Variants in CBL observed in about 807,000 individuals in gnomAD.
CBL encodes Cbl proto-oncogene, also known as E3 ubiquitin-protein ligase CBL.
A neutral mutation model predicts 96.9 loss-of-function variants in CBL; 45 were observed. The observed-to-expected ratio is 0.46, with a 90% CI of 0.37 to 0.60. CBL has a LOEUF of 0.60. Among genes scored for constraint, CBL ranks in the 20% least tolerant of loss-of-function variants. The pLI is 0.00. For synonymous variants in CBL, 420 were observed against 426.8 expected (o/e 0.98, Z 0.20); for missense variants, 1,024 against 1,143.5 (o/e 0.90, Z 1.51).
intron 2 of CBL, among the ~76,000 whole-genome samples, chr11:119,253,029 A>G (rs1231406756): frequency 1.3e-5 from 2 of 152,206 alleles, no homozygotes; most frequent in South Asian, 2.1e-4. Flanking sequence ...CTTACGTGTC[A>G]GTAGATACAA....
In CBL at chr11:119,231,160, T is replaced by G. The variant is rs531258584; in HGVS notation, c.196-1288T>G. ...GCTCATGCCTGTAATCCCAGCACTT[T>G]GGAAGGCTGAGGCTGGCAGATCACC... On this transcript the variant is annotated intron_variant, in intron 1 of 15. Coordinates refer to ENST00000264033, the MANE Select transcript of CBL (RefSeq NM_005188.4). Among the ~76,000 whole-genome samples the G allele has an allele frequency of 3.3e-5, 5 of 152,248 alleles. No individual in the cohort carries two copies. In the East Asian group the frequency reaches 9.6e-4, roughly 29 times the overall value.
intron 2 of CBL, among the ~76,000 whole-genome samples, chr11:119,243,324 G>A (rs1949601471): frequency 6.6e-6 from 1 of 151,844 alleles, no homozygotes; most frequent in Non-Finnish European, 1.5e-5. Flanking sequence ...TTCACTGGTA[G>A]GATATTTATT....
In CBL at chr11:119,304,579, C is replaced by T. The variant is rs1192081350; in HGVS notation, c.*4798C>T. ...CACTCTAGTCCTCAAGTCTACACCACCTTCCAACTCTGGGGATCACCATGA... is the reference window on the plus strand; with the variant it reads ...CACTCTAGTCCTCAAGTCTACACCATCTTCCAACTCTGGGGATCACCATGA... On this transcript the variant is annotated 3_prime_UTR_variant, in exon 16 of 16. Coordinates refer to ENST00000264033, the MANE Select transcript of CBL (RefSeq NM_005188.4). 4.3e-6 allele frequency: 1 copy of T among 232,338 alleles called. No individual in the cohort carries two copies. Among genetic ancestry groups the T allele is most frequent in the African/African-American group, 2.2e-5 (1 of 45,258 alleles). 14.4% of individuals were successfully genotyped at this position (232,338 alleles called of 1,614,324 possible).
rs968142645 is a variant in CBL, at chr11:119,248,957, A to G, written c.443+16262A>G. On this transcript the variant is annotated intron_variant, in intron 2 of 15. Transcript: ENST00000264033. ...ACCACTTCACAGCTGTTAGGTGGAT[A>G]TTATTTTAAGAATAAAACCCTCATG... is the stretch of plus-strand genomic sequence containing the variant. Among the ~76,000 whole-genome samples, 15 of 152,334 alleles carry G rather than the reference A, an allele frequency of 9.8e-5. 1 individual carries two copies. Among genetic ancestry groups the G allele is most frequent in the Admixed American group, 9.8e-4 (15 of 15,300 alleles).
chr11:119,249,093 A>G (rs118025453), intron 2 of CBL, among the ~76,000 whole-genome samples: 5 of 152,222 alleles, frequency 3.3e-5, no homozygotes, highest in African/African-American at 1.2e-4. Flanking sequence ...TTCTAGGTAC[A>G]TACCCCAAAG....
At chr11:119,286,920 T>C (rs531889026) in intron 11 of CBL, among the ~76,000 whole-genome samples, 19 of 152,166 alleles carry the variant, frequency 1.2e-4, no homozygotes, top group Admixed American at 3.3e-4. Flanking sequence ...TGGAGAAAAA[T>C]AGCCCAAAGA....
rs1214485253 is a variant in CBL, at chr11:119,299,511, C to T, written c.2451C>T (p.Ser817=). The T allele has an allele frequency of 6.2e-7, 1 of 1,614,022 alleles. No individual in the cohort carries two copies. The highest frequency in any genetic ancestry group is 8.5e-7 in the Non-Finnish European group (1 of 1,180,012). The stretch of plus-strand genomic sequence containing the variant: ...TTCTTCTAGATGTCACTGAAGGTTC[C>T]CAAGTTCCCGAGAGGCCTCCAAAAC... ...GDPTTNVTEG[S]QVPERPPKPF... is the part of the protein sequence containing the mutation. Residue 817 remains serine, a synonymous_variant, in exon 16 of 16, where the codon TCC becomes TCT. Transcript: ENST00000264033.
At chr11:119,283,384 A>G (rs143402450) in intron 9 of CBL, among the ~76,000 whole-genome samples, 1 of 152,174 alleles carries the variant, frequency 6.6e-6, no homozygotes, top group Non-Finnish European at 1.5e-5. Context: ...ATGACTAAAT[A>G]TGGCTGTTTT....
At position 119,278,194 on chromosome 11, in the gene CBL, G is replaced by T. The variant is rs2135303591; in HGVS notation, c.1124G>T (p.Gly375Val). 1 of 1,608,298 alleles carries T rather than the reference G, an allele frequency of 6.2e-7. No individual in the cohort carries two copies. The highest frequency in any genetic ancestry group is 8.5e-7 in the Non-Finnish European group (1 of 1,174,972). Reference protein sequence around the residue: ...QEQYELYCEMGSTFQLCKICA... With the variant: ...QEQYELYCEMVSTFQLCKICA... ...CAATATGAATTATACTGTGAGATGG[G>T]CTCCACATTCCAACTATGTAAAATA... Residue 375 changes from glycine to valine, a missense_variant, in exon 8 of 16, where the codon GGC becomes GTC. Gly to Val is a moderately radical substitution (Grantham distance 109). Transcript: ENST00000264033.
Position 119,287,901 on chromosome 11 carries a change from T to C in CBL, c.1991T>C (p.Ile664Thr), listed in dbSNP as rs397507496. 1 of 1,613,886 alleles carries C rather than the reference T, an allele frequency of 6.2e-7. No homozygotes were observed. Among genetic ancestry groups the C allele is most frequent in the Non-Finnish European group, 8.5e-7 (1 of 1,179,790 alleles). The change falls in exon 12 of 16, where the codon ATC becomes ACC. Residue 664 changes from isoleucine (I) to threonine (T), a missense_variant. Physicochemically the swap from Ile to Thr is moderately conservative, Grantham distance 89. This residue lies in a region of CBL where 695 missense variants were observed against 661.6 expected (regional missense o/e 1.05). Transcript: ENST00000264033. ...GGTCCAGAGTGTGACCACCCCAAAATCAAACCTTCCTCATCTGCCAATGCC... is the reference window on the plus strand; with the variant it reads ...GGTCCAGAGTGTGACCACCCCAAAACCAAACCTTCCTCATCTGCCAATGCC... Reference protein sequence around the residue: ...LVGPECDHPKIKPSSSANAIY... With the variant: ...LVGPECDHPKTKPSSSANAIY...
intron 1 of CBL, among the ~76,000 whole-genome samples, chr11:119,229,152 A>G (rs1456881171): frequency 6.6e-6 from 1 of 152,162 alleles, no homozygotes; most frequent in Non-Finnish European, 1.5e-5. Context: ...ACAGACTAAC[A>G]TAGGAAACTA....
intron 9 of CBL, among the ~76,000 whole-genome samples, chr11:119,280,389 G>A (rs982377134): frequency 8.5e-5 from 13 of 152,096 alleles, no homozygotes; most frequent in Admixed American, 6.5e-4. Flanking sequence ...TATATATTTT[G>A]TATGAGTAAA....
chr11:119,257,780 C>T (rs1949722272), intron 2 of CBL, among the ~76,000 whole-genome samples: 1 of 152,128 alleles, frequency 6.6e-6, no homozygotes, highest in Non-Finnish European at 1.5e-5. Context: ...ATGCAGTTTT[C>T]CCAGCACCAT....
chr11:119,283,897 A>T (rs1179281474), intron 9 of CBL, among the ~76,000 whole-genome samples: 2 of 151,922 alleles, frequency 1.3e-5, no homozygotes, highest in East Asian at 3.9e-4. Context: ...TCAGCCTCCC[A>T]AAGTGCTGCG....
chr11:119,300,570 T>C lies in CBL; in HGVS notation c.*789T>C, dbSNP rs1950094932. ...TACTGTTGCTACACTATTATAGGCA[T>C]GTTTGATACTAGCAGCTAACACTGG... On this transcript the variant is annotated 3_prime_UTR_variant, in exon 16 of 16. Transcript: ENST00000264033. 2.5e-6 allele frequency: 1 copy of C among 399,376 alleles called. No homozygotes were observed. Among genetic ancestry groups the C allele is most frequent in the East Asian group, 3.6e-5 (1 of 28,086 alleles). The allele number at this position is 399,376 out of a possible 1,614,324, so 24.7% of individuals were successfully genotyped here. A position where few individuals can be genotyped will look rare whatever the true frequency, so the allele number is the denominator to read the frequency against.
rs987818606 is a variant in CBL at position 119,305,497 on chromosome 11, C to G, written c.*5716C>G. 8.7e-6 allele frequency: 2 copies of G among 230,902 alleles called. No individual in the cohort carries two copies. The highest frequency in any genetic ancestry group is 5.7e-5 in the Admixed American group (1 of 17,674). The allele number at this position is 230,902 out of a possible 1,614,324, so 14.3% of individuals were successfully genotyped here. ...CTGGGCTTGTGGCCTGTCTCCTCCA[C>G]TCTCCTCCTCACCCTCTCGCTCCTT... On this transcript the variant is annotated 3_prime_UTR_variant, in exon 16 of 16. Coordinates refer to ENST00000264033, the MANE Select transcript of CBL (RefSeq NM_005188.4).
intron 14 of CBL, among the ~76,000 whole-genome samples, chr11:119,298,106 G>T (rs1565272529): frequency 6.6e-6 from 1 of 152,230 alleles, no homozygotes; most frequent in Non-Finnish European, 1.5e-5. Flanking sequence ...TGGAGTCATT[G>T]GCATCGGTGG....
rs936629577 is a variant in CBL, at chr11:119,285,896, G to GA, written c.1941+338dup. 6.8e-4 allele frequency among the ~76,000 whole-genome samples: 103 copies of GA among 151,458 alleles called. 1 individual carries two copies. In the East Asian group the frequency reaches 0.012, roughly 18 times the overall value. ...AGGCAATAGAGTAAGACCCTGTCTT[G>GA]AAAAAAAAGAAGAAAGAAAAAGAAA... On this transcript the variant is annotated intron_variant, in intron 11 of 15. Transcript: ENST00000264033.
intron 2 of CBL, among the ~76,000 whole-genome samples, chr11:119,249,789 C>T (rs1490447290): frequency 1.3e-5 from 2 of 151,598 alleles, no homozygotes; most frequent in Non-Finnish European, 2.9e-5. Context: ...TCCCAAGTTG[C>T]TGAGAATACA....
Sources: allele counts gnomAD v4.1 joint callset (sites outside exome capture counted in the v4.1 genomes callset), GRCh38; gene constraint gnomAD v4.1.1; regional missense constraint gnomAD v4.1.1; transcripts MANE v1.5; gene names NCBI Gene and HGNC (gene_info 2026-07-23, HGNC 2026-07-21).